The following CSMD1 variants were observed in gnomAD, a reference collection of about 807,000 sequenced individuals.
CSMD1 encodes the protein CUB and sushi domain-containing protein 1.
In CSMD1, 213 loss-of-function variants were observed where a neutral mutation model predicts 417.5. That is an observed-to-expected ratio of 0.51 (90% confidence interval 0.46 to 0.57). CSMD1 has a LOEUF of 0.57. CSMD1 is among the 20% of genes least tolerant of loss of function. CSMD1 has a pLI of 0.00. For synonymous variants in CSMD1, 2,862 were observed against 1,736.8 expected, an observed-to-expected ratio of 1.65 and a Z score of -16.11; for missense variants, 6,923 against 4,529.7, an observed-to-expected ratio of 1.53 and a Z score of -15.17.
At chr8:3,384,220 TGAGA>T (rs1471505195) in intron 18 of CSMD1, among the ~76,000 whole-genome samples, 5 of 152,132 alleles carry the variant, frequency 3.3e-5, no homozygotes, top group East Asian at 1.9e-4. Context: ...AATGGTTGTC[TGAGA>T]GATAGTCTAA....
At chr8:3,916,225 T>A (rs1808818532) in intron 5 of CSMD1, among the ~76,000 whole-genome samples, 1 of 152,050 alleles carries the variant, frequency 6.6e-6, no homozygotes, top group Non-Finnish European at 1.5e-5. Flanking sequence ...TGCCAACCGG[T>A]CATTTATGAG....
intron 7 of CSMD1, among the ~76,000 whole-genome samples, chr8:3,636,792 G>C (rs942707177): frequency 6.6e-6 from 1 of 152,136 alleles, no homozygotes; most frequent in Non-Finnish European, 1.5e-5. Flanking sequence ...CACACTTTGA[G>C]TTTCATACGA....
chr8:3,919,430 G>T (rs762073802), intron 5 of CSMD1, among the ~76,000 whole-genome samples: 14 of 151,848 alleles, frequency 9.2e-5, no homozygotes, highest in Non-Finnish European at 2.1e-4. Context: ...CATGTTTTTT[G>T]GTTAGTTGGC....
chr8:4,831,600 C>T (rs973284524), intron 1 of CSMD1, among the ~76,000 whole-genome samples: 1 of 151,882 alleles, frequency 6.6e-6, no homozygotes, highest in African/African-American at 2.4e-5. Flanking sequence ...TTTGTTGACT[C>T]CACAGCCACC....
In CSMD1 at chr8:4,994,773, G is replaced by A; in HGVS notation, c.-357C>T. The stretch of plus-strand genomic sequence containing the variant: ...CGCGCGCAGCCAGGAGAGACCTGGA[G>A]AGGAGGCAGCTGGAGAGAGAGCCAG... On this transcript the variant is annotated 5_prime_UTR_variant, in exon 1 of 70. Transcript: ENST00000635120. 1 of 238,810 alleles carries A rather than the reference G, an allele frequency of 4.2e-6. No homozygotes were observed. Among genetic ancestry groups the A allele is most frequent in the South Asian group, 7.9e-5 (1 of 12,666 alleles). The allele number at this position is 238,810 out of a possible 1,614,324, so 14.8% of individuals were successfully genotyped here. A position where few individuals can be genotyped will look rare whatever the true frequency, so the allele number is the denominator to read the frequency against.
chr8:3,155,249 T>C (rs1305824808), intron 39 of CSMD1, among the ~76,000 whole-genome samples: 2 of 151,836 alleles, frequency 1.3e-5, no homozygotes, highest in Non-Finnish European at 2.9e-5. Context: ...TAGGGAAGGC[T>C]CTTCATTTAA....
chr8:4,450,731 C>T (rs997606536), intron 2 of CSMD1, among the ~76,000 whole-genome samples: 4 of 152,120 alleles, frequency 2.6e-5, no homozygotes, highest in African/African-American at 4.8e-5. Context: ...AAACATTTAA[C>T]AGAATAGCAA....
intron 3 of CSMD1, among the ~76,000 whole-genome samples, chr8:4,181,537 G>A (rs116168740): frequency 6.6e-6 from 1 of 152,008 alleles, no homozygotes; most frequent in African/African-American, 2.4e-5. Context: ...TTTTAAGAAA[G>A]TTTATGAATT....
Position 4,963,078 on chromosome 8 carries a change from G to A in CSMD1, c.85+31254C>T, listed in dbSNP as rs76977277. Among the ~76,000 whole-genome samples the A allele has an allele frequency of 4.9e-3, 742 of 152,262 alleles. 19 individuals carry two copies. Among genetic ancestry groups the A allele is most frequent in the Admixed American group, 0.044 (674 of 15,284 alleles). On this transcript the variant is annotated intron_variant, in intron 1 of 69. Transcript: ENST00000635120. Reference sequence around the variant, plus strand: ...CTGCACCCAGGAGCTCAGGTGTTATGCCTCTCCAGGCCTCCGCAAGAATAT... The same window carrying A: ...CTGCACCCAGGAGCTCAGGTGTTATACCTCTCCAGGCCTCCGCAAGAATAT...
At chr8:3,990,128 A>G (rs1814634183) in intron 5 of CSMD1, among the ~76,000 whole-genome samples, 1 of 152,226 alleles carries the variant, frequency 6.6e-6, no homozygotes, top group Non-Finnish European at 1.5e-5. Flanking sequence ...TTTATTTAAC[A>G]GCGTTAATTT....
At chr8:4,148,586 C>G (rs9650481) in intron 3 of CSMD1, among the ~76,000 whole-genome samples, 26,834 of 151,972 alleles carry the variant, frequency 0.18, 2,619 homozygotes, top group East Asian at 0.3. Flanking sequence ...AGGAGACCAG[C>G]TGTCTGGTCT....
At chr8:4,966,065 G>A (rs1004413467) in intron 1 of CSMD1, among the ~76,000 whole-genome samples, 47 of 151,874 alleles carry the variant, frequency 3.1e-4, no homozygotes, top group Non-Finnish European at 5.7e-4. Context: ...ACCAATACTC[G>A]AATTGAAAGA....
chr8:4,464,424 C>G (rs1016749181), intron 2 of CSMD1, among the ~76,000 whole-genome samples: 2 of 152,128 alleles, frequency 1.3e-5, no homozygotes, highest in Non-Finnish European at 2.9e-5. Context: ...GCCTTGCCTA[C>G]CTTAAACACA....
chr8:4,161,769 A>G lies in CSMD1; in HGVS notation c.416-129670T>C, dbSNP rs951719403. Among the ~76,000 whole-genome samples, 17 of 152,270 alleles carry G rather than the reference A, an allele frequency of 1.1e-4. No individual in the cohort carries two copies. The Middle Eastern group carries it at 0.01, about 91-fold the overall frequency. On this transcript the variant is annotated intron_variant, in intron 3 of 69. Transcript: ENST00000635120. ...TCTGGAACCAGTTTCAAGGAATCAGATATTTTGAATTGTGCAAAAGAAACA... is the reference window on the plus strand; with the variant it reads ...TCTGGAACCAGTTTCAAGGAATCAGGTATTTTGAATTGTGCAAAAGAAACA...
chr8:3,877,737 C>G (rs183141565), intron 5 of CSMD1, among the ~76,000 whole-genome samples: 19 of 152,206 alleles, frequency 1.2e-4, no homozygotes, highest in Non-Finnish European at 2.6e-4. Context: ...GCAAGTTTGA[C>G]CGTTAATAAT....
chr8:3,361,718 T>C (rs1368706563), intron 20 of CSMD1, among the ~76,000 whole-genome samples: 1 of 151,426 alleles, frequency 6.6e-6, no homozygotes, highest in Non-Finnish European at 1.5e-5. Context: ...TTGATATTAT[T>C]ATGTGCTATA....
intron 2 of CSMD1, among the ~76,000 whole-genome samples, chr8:4,553,863 A>G (rs1177383434): frequency 1.3e-5 from 2 of 152,202 alleles, no homozygotes; most frequent in African/African-American, 4.8e-5. Context: ...GGACTGGGTT[A>G]GCATAAACCA....
intron 5 of CSMD1, among the ~76,000 whole-genome samples, chr8:3,940,062 A>C (rs2975397): frequency 0.38 from 57,533 of 151,740 alleles, 11,102 homozygotes; most frequent in Admixed American, 0.45. Context: ...GTGTAGATTT[A>C]CATATAAAAT....
chr8:4,638,920 T>C (rs1431701368), intron 1 of CSMD1, among the ~76,000 whole-genome samples: 1 of 152,130 alleles, frequency 6.6e-6, no homozygotes, highest in African/African-American at 2.4e-5. Context: ...CTCAGGTGAC[T>C]CCCAGACTGC....
Sources: allele counts gnomAD v4.1 joint callset (sites outside exome capture counted in the v4.1 genomes callset), GRCh38; gene constraint gnomAD v4.1.1; transcripts MANE v1.5; gene names NCBI Gene and HGNC (gene_info 2026-07-23, HGNC 2026-07-21).